LIPA: variants seen among roughly 807,000 people sequenced by gnomAD.
LIPA encodes lipase A, lysosomal acid type.
In LIPA, 26 loss-of-function variants were observed where a neutral mutation model predicts 40.6. The ratio of observed to expected loss-of-function variants is 0.64; its 90% confidence interval spans 0.47 to 0.89. The LOEUF (loss-of-function observed/expected upper bound fraction) is 0.89, where lower values mean the gene tolerates loss of function less well. Ranked by LOEUF, LIPA falls within the 40% of genes least tolerant of loss-of-function variation. LIPA has a pLI of 0.00. For missense variants in LIPA, 455 were observed against 479.6 expected, an observed-to-expected ratio of 0.95 and a Z score of 0.48; for synonymous variants, 188 against 168.4, an observed-to-expected ratio of 1.12 and a Z score of -0.90.
At chr10:89,370,863 C>T (rs1361111365) in intron 2 of LIPA, among the ~76,000 whole-genome samples, 3 of 152,004 alleles carry the variant, frequency 2.0e-5, no homozygotes, top group Non-Finnish European at 4.4e-5. Context: ...TGAAAAAGTA[C>T]AAAAATTAGC....
At chr10:89,397,748 C>T (rs918052204) in intron 2 of LIPA, among the ~76,000 whole-genome samples, 42 of 152,162 alleles carry the variant, frequency 2.8e-4, no homozygotes, top group African/African-American at 9.6e-4. Context: ...CATAGATTTC[C>T]AGTGGTCTGT....
At chr10:89,413,558 G>A (rs1362001313) in intron 1 of LIPA, among the ~76,000 whole-genome samples, 2 of 152,116 alleles carry the variant, frequency 1.3e-5, no homozygotes, top group African/African-American at 2.4e-5. Context: ...TTTGTGCCCA[G>A]GTGTTGGAGA....
At chr10:89,260,581 T>C (rs1843202596) in intron 1 of LIPA, among the ~76,000 whole-genome samples, 1 of 152,204 alleles carries the variant, frequency 6.6e-6, no homozygotes, top group Admixed American at 6.5e-5. Context: ...CTATGCACGC[T>C]TGGGCCTCCT....
chr10:89,259,461 C>T (rs546474699), intron 1 of LIPA, among the ~76,000 whole-genome samples: 18 of 152,292 alleles, frequency 1.2e-4, no homozygotes, highest in African/African-American at 3.4e-4. Context: ...ACTCTTTCAT[C>T]GCTGATGGGA....
chr10:89,390,931 A>T (rs978563221), intron 2 of LIPA, among the ~76,000 whole-genome samples: 3 of 152,202 alleles, frequency 2.0e-5, no homozygotes, highest in African/African-American at 7.2e-5. Context: ...TGGCCTGATC[A>T]TGTATCTGAG....
chr10:89,247,679 G>T (rs1258018484), intron 1 of LIPA, 30 bp from the exon 2 acceptor site: 1 of 1,472,718 alleles, frequency 6.8e-7, no homozygotes, highest in Non-Finnish European at 9.5e-7. Context: ...ATTATTATTT[G>T]CTTGAATTTT....
At chr10:89,396,827 A>G (rs1440306560) in intron 2 of LIPA, among the ~76,000 whole-genome samples, 1 of 152,222 alleles carries the variant, frequency 6.6e-6, no homozygotes, top group Non-Finnish European at 1.5e-5. Context: ...TCTAGTAGCT[A>G]ATGATGTTGA....
intron 6 of LIPA, among the ~76,000 whole-genome samples, chr10:89,224,219 A>G (rs1441571580): frequency 6.6e-6 from 1 of 152,248 alleles, no homozygotes; most frequent in Admixed American, 6.5e-5. Context: ...AATGTCTGCC[A>G]GAGGTGTGCC....
chr10:89,363,961 T>C (rs1844041191), intron 2 of LIPA, among the ~76,000 whole-genome samples: 1 of 152,128 alleles, frequency 6.6e-6, no homozygotes, highest in African/African-American at 2.4e-5. Context: ...GAAAAGAAAG[T>C]GAAGCTGTGC....
chr10:89,269,671 G>A (rs370047861), intron 1 of LIPA, among the ~76,000 whole-genome samples: 10 of 152,148 alleles, frequency 6.6e-5, no homozygotes, highest in Admixed American at 2.6e-4. Context: ...AAAGCGATGC[G>A]TTGGCAATAC....
At chr10:89,267,457 T>C (rs1257632020) in intron 1 of LIPA, among the ~76,000 whole-genome samples, 1 of 151,958 alleles carries the variant, frequency 6.6e-6, no homozygotes, top group Non-Finnish European at 1.5e-5. Context: ...GAAACCATCA[T>C]TCTCAGTAAA....
rs573278456 is a variant in LIPA at position 89,354,545 on chromosome 10, G to C, written c.61+58246C>G. Among the ~76,000 whole-genome samples the C allele has an allele frequency of 3.3e-3, 496 of 152,238 alleles. 3 individuals are homozygous for C. The highest frequency in any genetic ancestry group is 0.01 in the African/African-American group (429 of 41,552). ...CGTATTCAAGTCGTTCTCCTTCAAAGCTCATAAGTTAGAAGTTTTGTTCTT... is the reference window on the plus strand; with the variant it reads ...CGTATTCAAGTCGTTCTCCTTCAAACCTCATAAGTTAGAAGTTTTGTTCTT... On this transcript the variant is annotated intron_variant, in intron 2 of 8. Coordinates refer to the LIPA transcript ENST00000371837.
chr10:89,228,472 C>T (rs969016116), intron 3 of LIPA, 74 bp from the exon 4 acceptor site: 2 of 1,234,482 alleles, frequency 1.6e-6, no homozygotes, highest in African/African-American at 1.5e-5. Flanking sequence ...CTAAATAGAA[C>T]ATTCGTAAAA....
At chr10:89,344,941 G>A (rs1268103027), upstream of LIPA, among the ~76,000 whole-genome samples, 1 of 152,172 alleles carries the variant, frequency 6.6e-6, no homozygotes, top group Non-Finnish European at 1.5e-5. Flanking sequence ...GCCGAGGCAG[G>A]TGTATCACTG....
chr10:89,217,288 A>T (rs1294052967), intron 8 of LIPA, among the ~76,000 whole-genome samples: 1 of 152,264 alleles, frequency 6.6e-6, no homozygotes, highest in East Asian at 1.9e-4. Context: ...ACAGAGTGAG[A>T]TGATATACTA....
intron 1 of LIPA, among the ~76,000 whole-genome samples, chr10:89,289,092 G>T (rs529532543): frequency 6.6e-6 from 1 of 152,096 alleles, no homozygotes; most frequent in African/African-American, 2.4e-5. Flanking sequence ...TGTCCTTCAC[G>T]GCCAGTTTTT....
chr10:89,265,260 G>A (rs965062858), intron 1 of LIPA, among the ~76,000 whole-genome samples: 1 of 152,130 alleles, frequency 6.6e-6, no homozygotes, highest in East Asian at 1.9e-4. Context: ...AAACTGCAGG[G>A]ATGCCTAGGT....
At chr10:89,256,439 C>A (rs1363683161), upstream of LIPA, among the ~76,000 whole-genome samples, 1 of 152,082 alleles carries the variant, frequency 6.6e-6, no homozygotes, top group Admixed American at 6.6e-5. Context: ...GCTGAGAAGA[C>A]AATGAGGTTG....
At chr10:89,320,988 A>T (rs1275949602) in intron 1 of LIPA, among the ~76,000 whole-genome samples, 1 of 152,098 alleles carries the variant, frequency 6.6e-6, no homozygotes, top group Non-Finnish European at 1.5e-5. Flanking sequence ...TATTTAATAA[A>T]TGGTGCTGGG....
Sources: allele counts gnomAD v4.1 joint callset (sites outside exome capture counted in the v4.1 genomes callset), GRCh38; gene constraint gnomAD v4.1.1; transcripts MANE v1.5; gene names NCBI Gene and HGNC (gene_info 2026-07-23, HGNC 2026-07-21).